KIF26B: variants seen among roughly 807,000 people sequenced by gnomAD.
The protein encoded by KIF26B is kinesin-like protein KIF26B.
KIF26B carries 63 observed loss-of-function variants against 151.2 expected under a neutral mutation model. The ratio of observed to expected loss-of-function variants is 0.42; its 90% CI spans 0.34 to 0.51. The LOEUF (loss-of-function observed/expected upper bound fraction) is 0.51. Ranked by LOEUF, KIF26B falls within the 20% of genes least tolerant of loss-of-function variation. The pLI is 0.07. For synonymous variants in KIF26B, 1,357 were observed against 1,262.1 expected (o/e 1.08, Z -1.59); for missense variants, 2,813 against 2,913.6 (o/e 0.97, Z 0.79).
chr1:245,359,865 T>G (rs934417458), intron 2 of KIF26B, among the ~76,000 whole-genome samples: 1 of 143,922 alleles, frequency 6.9e-6, no homozygotes, highest in African/African-American at 2.9e-5. Context: ...TTTCTTTCTT[T>G]CTTTCTTTCT....
intron 2 of KIF26B, among the ~76,000 whole-genome samples, chr1:245,219,158 A>G (rs1382644248): frequency 4.6e-5 from 2 of 43,218 alleles, no homozygotes; most frequent in East Asian, 1.5e-3. Flanking sequence ...TTTTTTTTTG[A>G]GACGGAGTCT....
intron 2 of KIF26B, among the ~76,000 whole-genome samples, chr1:245,175,536 C>T (rs1262540531): frequency 1.3e-5 from 2 of 152,102 alleles, no homozygotes; most frequent in Non-Finnish European, 2.9e-5. Flanking sequence ...GCTATTAGCC[C>T]TACAAATGCC....
intron 5 of KIF26B, among the ~76,000 whole-genome samples, chr1:245,596,306 A>G (rs1374676344): frequency 1.3e-5 from 2 of 152,142 alleles, no homozygotes; most frequent in Non-Finnish European, 1.5e-5. Flanking sequence ...AGTGCTATAA[A>G]TTTCCCTCTA....
chr1:245,212,848 A>G (rs1306328604), intron 2 of KIF26B, among the ~76,000 whole-genome samples: 1 of 152,254 alleles, frequency 6.6e-6, no homozygotes, highest in Non-Finnish European at 1.5e-5. Context: ...GAATTGAGTA[A>G]AATTATTTTA....
chr1:245,249,927 G>T lies in KIF26B; in HGVS notation c.465+93244G>T, dbSNP rs1046312824. On this transcript the variant is annotated intron_variant, in intron 2 of 14. Transcript: ENST00000407071. ...GATTATCTATAAATTGTTATACCAC[G>T]AGACAGAAGAAATCCTATTTTCCCA... Among the ~76,000 whole-genome samples the T allele has an allele frequency of 3.9e-5, 6 of 152,176 alleles. No individual in the cohort carries two copies. The East Asian group carries it at 1.2e-3, about 29-fold the overall frequency.
rs2042933175 is a variant in KIF26B at position 245,560,243 on chromosome 1, T to C, written c.1350+19293T>C. Among the ~76,000 whole-genome samples, 1 of 152,196 alleles carries C rather than the reference T, an allele frequency of 6.6e-6. No individual in the cohort carries two copies. Among genetic ancestry groups the C allele is most frequent in the South Asian group, 2.1e-4 (1 of 4,826 alleles). ...CTCATTCGCTTCAATTCATTGAACA[T>C]CTGCTACTGGCCAGGGACTTTTTCC... is the stretch of plus-strand genomic sequence containing the variant. On this transcript the variant is annotated intron_variant, in intron 5 of 14. Coordinates refer to ENST00000407071, the MANE Select transcript of KIF26B (RefSeq NM_018012.4). This position sits in a 1 kb window ranked among gnomAD's most constrained non-coding sequence, Gnocchi z 4.3.
In KIF26B at chr1:245,516,350, C is replaced by A. The variant is rs1051005536; in HGVS notation, c.1167-24417C>A. Among the ~76,000 whole-genome samples the A allele has an allele frequency of 6.6e-5, 10 of 152,160 alleles. No homozygotes were observed. Among genetic ancestry groups the A allele is most frequent in the African/African-American group, 2.4e-4 (10 of 41,428 alleles). On this transcript the variant is annotated intron_variant, in intron 4 of 14. Coordinates refer to ENST00000407071, the MANE Select transcript of KIF26B (RefSeq NM_018012.4). The surrounding 1 kb of genome is among the most constrained non-coding windows in gnomAD (Gnocchi z 4.2). ...TAACAGGAATTGTCCGTTCCCATGG[C>A]CAGTCCTCATGTAGAGCCACAAGAT...
chr1:245,601,843 T>C lies in KIF26B; in HGVS notation c.1351-734T>C, dbSNP rs1364792968. ...CTGACTGTGCATTTCCATAAGCACCTCGCTCGCCTGCAGGACGGGGCTGGG... is the reference window on the plus strand; with the variant it reads ...CTGACTGTGCATTTCCATAAGCACCCCGCTCGCCTGCAGGACGGGGCTGGG... On this transcript the variant is annotated intron_variant, in intron 5 of 14. Transcript: ENST00000407071. This position sits in a 1 kb window ranked among gnomAD's most constrained non-coding sequence, Gnocchi z 4.4. Among the ~76,000 whole-genome samples, 1 of 152,184 alleles carries C rather than the reference T, an allele frequency of 6.6e-6. No individual in the cohort carries two copies. The highest frequency in any genetic ancestry group is 6.5e-5 in the Admixed American group (1 of 15,272).
chr1:245,303,197 CTTTTTTT>C (rs757473264), intron 2 of KIF26B, among the ~76,000 whole-genome samples: 1 of 102,610 alleles, frequency 9.7e-6, no homozygotes, highest in Non-Finnish European at 1.9e-5. Context: ...ACTAAATGTT[CTTTTTTT>C]TTTTTTTTTT....
chr1:245,484,997 A>G (rs1288663211), intron 4 of KIF26B, among the ~76,000 whole-genome samples: 1 of 152,174 alleles, frequency 6.6e-6, no homozygotes, highest in Non-Finnish European at 1.5e-5. Flanking sequence ...GGGATGGCTA[A>G]ACAAACTGTG....
chr1:245,229,513 C>T (rs1318417180), intron 2 of KIF26B, among the ~76,000 whole-genome samples: 3 of 152,204 alleles, frequency 2.0e-5, no homozygotes, highest in Non-Finnish European at 4.4e-5. Context: ...GAGCTACGCA[C>T]TACAGCAAAA....
intron 4 of KIF26B, among the ~76,000 whole-genome samples, chr1:245,447,417 C>G (rs1338340897): frequency 6.6e-6 from 1 of 152,086 alleles, no homozygotes; most frequent in Non-Finnish European, 1.5e-5. Flanking sequence ...TTGGTGTGCC[C>G]CTACAATTCC....
intron 4 of KIF26B, among the ~76,000 whole-genome samples, chr1:245,451,170 T>C (rs1306385793): frequency 6.6e-6 from 1 of 152,194 alleles, no homozygotes; most frequent in Non-Finnish European, 1.5e-5. Flanking sequence ...TTTGTAACTT[T>C]TAGAATTTGG....
chr1:245,436,465 G>T (rs561802012), intron 4 of KIF26B, among the ~76,000 whole-genome samples: 102 of 152,256 alleles, frequency 6.7e-4, no homozygotes, highest in African/African-American at 2.4e-3. Context: ...CCCCACTGTG[G>T]TGTGCAAAGC....
At chr1:245,407,705 C>T (rs759337532) in intron 3 of KIF26B, among the ~76,000 whole-genome samples, 18 of 152,152 alleles carry the variant, frequency 1.2e-4, no homozygotes, top group Non-Finnish European at 2.6e-4. Context: ...TAAGTCCATT[C>T]CTATTTGTAT....
chr1:245,448,034 G>A (rs765732577), intron 4 of KIF26B, among the ~76,000 whole-genome samples: 10 of 152,326 alleles, frequency 6.6e-5, no homozygotes, highest in Non-Finnish European at 1.0e-4. Context: ...TGTGGGCTAC[G>A]CCCCACTTTG....
At chr1:245,264,609 C>T (rs1439898443) in intron 2 of KIF26B, among the ~76,000 whole-genome samples, 1 of 152,116 alleles carries the variant, frequency 6.6e-6, no homozygotes, top group South Asian at 2.1e-4. Flanking sequence ...AAAACAGAGC[C>T]CCAGGCTGGA....
chr1:245,595,072 G>A (rs546757472), intron 5 of KIF26B, among the ~76,000 whole-genome samples: 25 of 152,230 alleles, frequency 1.6e-4, no homozygotes, highest in African/African-American at 6.0e-4. Flanking sequence ...GGGCTGAGAC[G>A]ACGGGGTTTT....
At chr1:245,365,114 C>T (rs1294121912) in intron 2 of KIF26B, among the ~76,000 whole-genome samples, 2 of 152,194 alleles carry the variant, frequency 1.3e-5, no homozygotes, top group African/African-American at 4.8e-5. Context: ...TGAGGTGACG[C>T]TCTGTTCTGG....
Sources: gnomAD v4.1 joint callset for allele counts (sites outside exome capture counted in the v4.1 genomes callset) on GRCh38, gnomAD v4.1.1 for gene constraint, Gnocchi (gnomAD v3.1) non-coding constraint, MANE v1.5 for transcripts, NCBI Gene and HGNC (gene_info 2026-07-23, HGNC 2026-07-21) for gene names.